The following SRFBP1 variants were observed in gnomAD, a reference collection of about 807,000 sequenced individuals.
SRFBP1 encodes the protein serum response factor-binding protein 1.
A neutral mutation model predicts 45.5 loss-of-function variants in SRFBP1; 47 were observed. The ratio of observed to expected loss-of-function variants is 1.03; its 90% CI spans 0.82 to 1.32. The LOEUF (loss-of-function observed/expected upper bound fraction) is 1.32, where lower values mean the gene tolerates loss of function less well. Ranked by LOEUF, SRFBP1 falls within the 40% of genes most tolerant of loss-of-function variation. The probability of loss-of-function intolerance (pLI) is 0.00; values close to 1 mark genes in which losing one functional copy is unlikely to be tolerated. For missense variants in SRFBP1, 621 were observed against 484.6 expected (o/e 1.28, Z -2.64); for synonymous variants, 203 against 166.3 (o/e 1.22, Z -1.70).
downstream of SRFBP1, chr5:122,077,913 C>T (rs772082708): frequency 1.3e-5 from 20 of 1,513,194 alleles, no homozygotes; most frequent in Admixed American, 4.5e-4. This position sits in a 1 kb window ranked among gnomAD's most constrained non-coding sequence, Gnocchi z 4.9. Context: ...TGGCCGGCGG[C>T]GGGAGGGGCG....
At chr5:122,078,119 A>T, downstream of SRFBP1, 1 of 788,088 alleles carries the variant, frequency 1.3e-6, no homozygotes, top group Non-Finnish European at 1.8e-6. Flanking sequence ...CTCAGTCTCC[A>T]CCAAGCAATG....
intron 4 of SRFBP1, among the ~76,000 whole-genome samples, chr5:121,998,674 A>AAAT (rs944761675): frequency 6.6e-5 from 10 of 151,652 alleles, no homozygotes; most frequent in African/African-American, 2.4e-4. Flanking sequence ...AAAAAAAAAA[A>AAAT]AACTAAGATG....
At chr5:121,970,988 T>G (rs1752179754) in intron 1 of SRFBP1, among the ~76,000 whole-genome samples, 1 of 151,954 alleles carries the variant, frequency 6.6e-6, no homozygotes, top group Admixed American at 6.6e-5. Flanking sequence ...AAAATCAGGA[T>G]GAATAGATGT....
Position 122,043,208 on chromosome 5 carries a change from C to CT in SRFBP1, n.311+20810dup, listed in dbSNP as rs555053937. Among the ~76,000 whole-genome samples the CT allele has an allele frequency of 1.1e-3, 172 of 151,088 alleles. 3 individuals carry two copies. The South Asian group carries it at 0.017, about 15-fold the overall frequency. The stretch of plus-strand genomic sequence containing the variant: ...ATGAAAATATCTGTCTCACTATTTT[C>CT]TTTTTTTTTCTTTTTTTTCTTTTTC... On this transcript the variant is annotated intron_variant and non_coding_transcript_variant, in intron 2 of 2. Coordinates refer to the SRFBP1 transcript ENST00000504881.
At chr5:121,983,193 G>A (rs948366377) in intron 3 of SRFBP1, among the ~76,000 whole-genome samples, 11 of 151,366 alleles carry the variant, frequency 7.3e-5, no homozygotes, top group African/African-American at 2.7e-4. Context: ...GAGTTAAATG[G>A]AGACAAATTA....
chr5:121,983,616 A>T (rs536898843), intron 3 of SRFBP1, among the ~76,000 whole-genome samples: 32 of 151,816 alleles, frequency 2.1e-4, no homozygotes, highest in Non-Finnish European at 4.3e-4. Context: ...CAATTGAATT[A>T]TACAAGTTTT....
intron 3 of SRFBP1, among the ~76,000 whole-genome samples, chr5:121,993,270 A>G (rs928867567): frequency 2.6e-5 from 4 of 152,118 alleles, no homozygotes; most frequent in African/African-American, 9.7e-5. Flanking sequence ...TTTATGAAAA[A>G]ACATATGTAT....
chr5:122,046,593 C>G (rs1488300838), intron 2 of SRFBP1, among the ~76,000 whole-genome samples: 1 of 152,180 alleles, frequency 6.6e-6, no homozygotes, highest in African/African-American at 2.4e-5. Context: ...AATGGTATTT[C>G]TAGTTCTAGA....
At chr5:122,068,174 T>TAAAAAA (rs10650287) in intron 2 of SRFBP1, among the ~76,000 whole-genome samples, 8 of 115,876 alleles carry the variant, frequency 6.9e-5, no homozygotes, top group African/African-American at 2.4e-4. Flanking sequence ...TAATAACTAG[T>TAAAAAA]AAAAAAAAAA....
Position 122,057,528 on chromosome 5 carries a change from T to C in SRFBP1, n.312-17787T>C, listed in dbSNP as rs1037272139. Among the ~76,000 whole-genome samples, 70 of 151,596 alleles carry C rather than the reference T, an allele frequency of 4.6e-4. 1 individual carries two copies. The highest frequency in any genetic ancestry group is 1.6e-4 in the Non-Finnish European group (11 of 67,906). On this transcript the variant is annotated intron_variant and non_coding_transcript_variant, in intron 2 of 2. Coordinates refer to the SRFBP1 transcript ENST00000504881. ...GTGTGTACAAATGAGGGTCTCGCTA[T>C]TTTGCCCAGGCTGGTCTCAAACTCC...
chr5:122,013,097 AGTT>A (rs1451970767), intron 4 of SRFBP1, among the ~76,000 whole-genome samples: 2 of 152,112 alleles, frequency 1.3e-5, no homozygotes, highest in African/African-American at 4.8e-5. Context: ...CCCTCTTCAA[AGTT>A]GTTATGGCAT....
chr5:121,987,086 C>G (rs1444928032), intron 3 of SRFBP1, among the ~76,000 whole-genome samples: 1 of 152,026 alleles, frequency 6.6e-6, no homozygotes, highest in Non-Finnish European at 1.5e-5. Flanking sequence ...TACTCATCCT[C>G]GAGTCTGGAA....
intron 3 of SRFBP1, among the ~76,000 whole-genome samples, chr5:121,990,589 A>C (rs1045310354): frequency 2.2e-4 from 34 of 152,190 alleles, no homozygotes; most frequent in African/African-American, 8.2e-4. Context: ...TGGGAAAAAA[A>C]GGAAATAGAC....
chr5:122,020,309 G>C lies in SRFBP1; in HGVS notation c.574G>C (p.Glu192Gln). ...HNSKEKIAKM[E>Q]HGPKAVTIAN... ...TTCAAAGGAAAAAATAGCAAAGATG[G>C]AACATGGACCTAAAGCAGTGACTAT... is the stretch of plus-strand genomic sequence containing the variant. Residue 192 changes from glutamate to glutamine, a missense_variant, in exon 6 of 8, where the codon GAA becomes CAA. Physicochemically the swap from Glu to Gln is conservative, Grantham distance 29 (BLOSUM62 2). Transcript: ENST00000339397. 2 of 1,612,778 alleles carry C rather than the reference G, an allele frequency of 1.2e-6. No individual in the cohort carries two copies. The highest frequency in any genetic ancestry group is 1.7e-6 in the Non-Finnish European group (2 of 1,179,686).
At chr5:122,052,608 G>A (rs1471203497) in intron 2 of SRFBP1, among the ~76,000 whole-genome samples, 1 of 152,228 alleles carries the variant, frequency 6.6e-6, no homozygotes, top group Admixed American at 6.5e-5. Context: ...GGTCAGTTTA[G>A]TTCTTTTTTA....
intron 1 of SRFBP1, 146 bp downstream of exon 1, chr5:121,962,214 G>A (rs536851414): frequency 2.4e-4 from 228 of 943,270 alleles, no homozygotes; most frequent in Non-Finnish European, 1.5e-5. Context: ...CTTGGAGTTT[G>A]GCAACCGGTA....
chr5:121,975,318 T>C lies in SRFBP1; in HGVS notation c.129T>C (p.Gly43=). The stretch of plus-strand genomic sequence containing the variant: ...TATCGTAATGTATTTTTTGCAGGGG[T>C]ACTGAAGATGCACTGTTAAAAAACC... ...RSVGRLKSKK[G]TEDALLKNQR... is the part of the protein sequence containing the mutation. Residue 43 remains glycine (G), a synonymous_variant, in exon 3 of 8, where the codon GGT becomes GGC. Transcript: ENST00000339397. 6.2e-7 allele frequency: 1 copy of C among 1,613,052 alleles called. No homozygotes were observed. The highest frequency in any genetic ancestry group is 1.1e-5 in the South Asian group (1 of 91,056).
chr5:121,981,081 ACT>A (rs1267818064), intron 3 of SRFBP1, among the ~76,000 whole-genome samples: 1 of 151,734 alleles, frequency 6.6e-6, no homozygotes, highest in Non-Finnish European at 1.5e-5. Context: ...GTTTCCATTT[ACT>A]CTCTAATATC....
At chr5:122,064,287 A>G (rs1754241914) in intron 2 of SRFBP1, 1 of 151,978 alleles carries the variant, frequency 6.6e-6, no homozygotes. Flanking sequence ...TTCGGCAGTT[A>G]TTCAGAGAAG....
Sources: gnomAD v4.1 joint callset for allele counts (sites outside exome capture counted in the v4.1 genomes callset) on GRCh38, gnomAD v4.1.1 for gene constraint, Gnocchi (gnomAD v3.1) non-coding constraint, MANE v1.5 for transcripts, NCBI Gene and HGNC (gene_info 2026-07-23, HGNC 2026-07-21) for gene names.